GRID2: variants seen among roughly 807,000 people sequenced by gnomAD.
GRID2 encodes glutamate ionotropic receptor delta type subunit 2.
A neutral mutation model predicts 114.8 loss-of-function variants in GRID2; 33 were observed. The ratio of observed to expected loss-of-function variants is 0.29; its 90% confidence interval spans 0.22 to 0.38. The LOEUF (loss-of-function observed/expected upper bound fraction) is 0.38, where lower values mean the gene tolerates loss of function less well. GRID2 is among the 10% of genes least tolerant of loss of function. The pLI, the probability that GRID2 is intolerant of heterozygous loss-of-function variation, is 1.00. For missense variants in GRID2, 1,184 were observed against 1,257.7 expected (o/e 0.94, Z 0.89); for synonymous variants, 505 against 449.9 (o/e 1.12, Z -1.55).
intron 2 of GRID2, among the ~76,000 whole-genome samples, chr4:92,678,357 G>A (rs1733485392): frequency 6.6e-6 from 1 of 152,032 alleles, no homozygotes; most frequent in African/African-American, 2.4e-5. Flanking sequence ...ACAATTCATA[G>A]CATGTAGTAA....
At chr4:92,683,675 A>C (rs1314456632) in intron 2 of GRID2, among the ~76,000 whole-genome samples, 1 of 151,704 alleles carries the variant, frequency 6.6e-6, no homozygotes, top group Non-Finnish European at 1.5e-5. Flanking sequence ...TTTTATATTA[A>C]AAAAATACAT....
intron 1 of GRID2, among the ~76,000 whole-genome samples, chr4:92,315,471 T>C (rs1725919668): frequency 6.6e-6 from 1 of 152,184 alleles, no homozygotes; most frequent in Admixed American, 6.5e-5. Flanking sequence ...ATTTACTAGT[T>C]CATAGCTTCT....
At chr4:93,739,788 T>C (rs1731218869) in intron 14 of GRID2, among the ~76,000 whole-genome samples, 1 of 152,202 alleles carries the variant, frequency 6.6e-6, no homozygotes, top group Admixed American at 6.5e-5. Context: ...TTCTGCCTAA[T>C]GCAAGCTTAG....
At chr4:92,768,106 A>G (rs547453322) in intron 2 of GRID2, among the ~76,000 whole-genome samples, 6 of 152,178 alleles carry the variant, frequency 3.9e-5, no homozygotes, top group Non-Finnish European at 7.3e-5. Context: ...ATTGAAAATA[A>G]AATCTTTATC....
chr4:93,687,238 G>A (rs182304748), intron 14 of GRID2, among the ~76,000 whole-genome samples: 7 of 152,184 alleles, frequency 4.6e-5, no homozygotes, highest in Admixed American at 3.9e-4. Context: ...AGTACCATCA[G>A]TAGATATGGA....
At chr4:92,952,764 T>A (rs1752124411) in intron 2 of GRID2, among the ~76,000 whole-genome samples, 1 of 152,214 alleles carries the variant, frequency 6.6e-6, no homozygotes, top group African/African-American at 2.4e-5. Flanking sequence ...TTGTATTTTA[T>A]TTCCTAATTC....
At chr4:93,530,868 A>G (rs1332337445) in intron 13 of GRID2, among the ~76,000 whole-genome samples, 1 of 152,156 alleles carries the variant, frequency 6.6e-6, no homozygotes, top group Non-Finnish European at 1.5e-5. Context: ...TCTAAGCCTG[A>G]TTCCTCATAG....
chr4:92,648,308 T>C (rs1044193555), intron 2 of GRID2, among the ~76,000 whole-genome samples: 1 of 149,676 alleles, frequency 6.7e-6, no homozygotes, highest in African/African-American at 2.5e-5. Flanking sequence ...CCCCAAATAC[T>C]GTAAATCACC....
chr4:93,465,408 T>C (rs1724169299), intron 11 of GRID2, among the ~76,000 whole-genome samples: 1 of 152,208 alleles, frequency 6.6e-6, no homozygotes, highest in Non-Finnish European at 1.5e-5. Context: ...AAACTACTCT[T>C]TTCATGTCTT....
intron 8 of GRID2, among the ~76,000 whole-genome samples, chr4:93,395,109 T>C (rs2149329181): frequency 6.6e-6 from 1 of 152,114 alleles, no homozygotes; most frequent in Admixed American, 6.6e-5. Context: ...TATGAATACT[T>C]TGAAAACAAA....
chr4:92,632,487 G>A (rs1188460916), intron 2 of GRID2, among the ~76,000 whole-genome samples: 1 of 151,978 alleles, frequency 6.6e-6, no homozygotes, highest in Admixed American at 6.6e-5. Flanking sequence ...ACAAAAATGA[G>A]CTGGTCATAG....
intron 13 of GRID2, among the ~76,000 whole-genome samples, chr4:93,609,107 CT>C (rs1263204810): frequency 9.3e-6 from 1 of 107,492 alleles, no homozygotes; most frequent in Non-Finnish European, 2.0e-5. Context: ...GCATAAATGT[CT>C]TCTTTTGAGA....
At chr4:93,798,394 T>C (rs555710263) in intron 1 of GRID2, among the ~76,000 whole-genome samples, 106 of 152,142 alleles carry the variant, frequency 7.0e-4, no homozygotes, top group African/African-American at 2.5e-3. Flanking sequence ...TCTTACTAGA[T>C]AACAAGTGTG....
chr4:93,717,879 A>G (rs532466997), intron 14 of GRID2, among the ~76,000 whole-genome samples: 1 of 152,194 alleles, frequency 6.6e-6, no homozygotes, highest in Non-Finnish European at 1.5e-5. Flanking sequence ...ACTACTTACT[A>G]TCTTGAGAGA....
At chr4:93,736,269 A>G (rs1730918406) in intron 14 of GRID2, among the ~76,000 whole-genome samples, 1 of 152,050 alleles carries the variant, frequency 6.6e-6, no homozygotes, top group Non-Finnish European at 1.5e-5. Flanking sequence ...TTATATTTTA[A>G]GACCCACTAT....
chr4:93,111,392 A>G (rs1417312412), intron 4 of GRID2, among the ~76,000 whole-genome samples: 1 of 152,194 alleles, frequency 6.6e-6, no homozygotes, highest in Admixed American at 6.5e-5. Context: ...ATACAGATTT[A>G]TATCTTCTCT....
intron 11 of GRID2, 35 bp downstream of exon 11, chr4:93,456,009 A>T: frequency 3.3e-6 from 4 of 1,223,638 alleles, no homozygotes; most frequent in South Asian, 1.2e-5. Context: ...TATTTAAAAA[A>T]AATAGAATGT....
At chr4:92,400,103 G>T (rs1560607625) in intron 1 of GRID2, among the ~76,000 whole-genome samples, 1 of 152,038 alleles carries the variant, frequency 6.6e-6, no homozygotes, top group Non-Finnish European at 1.5e-5. Flanking sequence ...ATTCATTAAG[G>T]TATAATTCAA....
intron 8 of GRID2, among the ~76,000 whole-genome samples, chr4:93,388,204 A>T (rs1764513415): frequency 6.6e-6 from 1 of 152,148 alleles, no homozygotes; most frequent in Admixed American, 6.6e-5. Flanking sequence ...GATCTAAAGG[A>T]TGAGGAAAAA....
Sources: gnomAD v4.1 joint callset for allele counts (sites outside exome capture counted in the v4.1 genomes callset) on GRCh38, gnomAD v4.1.1 for gene constraint, MANE v1.5 for transcripts, NCBI Gene and HGNC (gene_info 2026-07-23, HGNC 2026-07-21) for gene names.